ABLIM2: variants seen among roughly 807,000 people sequenced by gnomAD.
ABLIM2 encodes the protein actin-binding LIM protein 2.
In ABLIM2, 53 loss-of-function variants were observed where a neutral mutation model predicts 97.7. That is an observed-to-expected ratio of 0.54 (90% CI 0.44 to 0.68). ABLIM2 has a LOEUF of 0.68. Among genes scored for constraint, ABLIM2 ranks in the 30% least tolerant of loss-of-function variants. ABLIM2 has a pLI of 0.00. For missense variants in ABLIM2, 835 were observed against 867.2 expected (o/e 0.96, Z 0.47); for synonymous variants, 361 against 345.8 (o/e 1.04, Z -0.49).
chr4:8,045,094 C>A, intron 9 of ABLIM2, 70 bp downstream of exon 9: 3 of 1,426,456 alleles, frequency 2.1e-6, no homozygotes, highest in Admixed American at 1.7e-5. Flanking sequence ...GTGGGCTTAG[C>A]CACGGCCACC....
intron 8 of ABLIM2, among the ~76,000 whole-genome samples, chr4:8,052,511 T>C (rs1796665148): frequency 6.6e-6 from 1 of 152,220 alleles, no homozygotes. Flanking sequence ...TTTCATCGCG[T>C]GACTCTTCTG....
intron 20 of ABLIM2, among the ~76,000 whole-genome samples, chr4:7,975,681 A>G (rs1159042292): frequency 1.3e-5 from 2 of 152,198 alleles, no homozygotes; most frequent in African/African-American, 2.4e-5. Flanking sequence ...ATTTTTTAAC[A>G]TATATAGCTA....
rs550531703 is a variant in ABLIM2 at position 8,106,020 on chromosome 4, T to C, written c.154+474A>G. ...TATTTACATTATTGGTTTATAGTCA[T>C]AGAGAAATTGAAGTGATTTTAGTCT... On this transcript the variant is annotated intron_variant, in intron 2 of 20. Transcript: ENST00000447017. Among the ~76,000 whole-genome samples the C allele has an allele frequency of 3.3e-5, 5 of 152,312 alleles. No homozygotes were observed. In the South Asian group the frequency reaches 8.3e-4, roughly 25 times the overall value.
chr4:8,036,518 C>T (rs898459356), intron 9 of ABLIM2, among the ~76,000 whole-genome samples: 1 of 152,146 alleles, frequency 6.6e-6, no homozygotes, highest in African/African-American at 2.4e-5. Flanking sequence ...GGTCACAGCG[C>T]TTTGGGCAGA....
At chr4:8,078,184 C>T (rs924490401) in intron 5 of ABLIM2, among the ~76,000 whole-genome samples, 1 of 152,192 alleles carries the variant, frequency 6.6e-6, no homozygotes, top group African/African-American at 2.4e-5. Flanking sequence ...TAGGTTAGGA[C>T]AAGACTTTAC....
At chr4:8,018,595 A>G (rs530364625) in intron 14 of ABLIM2, among the ~76,000 whole-genome samples, 1 of 152,280 alleles carries the variant, frequency 6.6e-6, no homozygotes, top group East Asian at 1.9e-4. Context: ...AAAGTACAGG[A>G]CCTATTGCCA....
intron 17 of ABLIM2, among the ~76,000 whole-genome samples, chr4:7,989,027 AT>A (rs1746576153): frequency 7.2e-6 from 1 of 139,464 alleles, no homozygotes; most frequent in Admixed American, 7.2e-5. Context: ...GTACTATTTA[AT>A]TTTTCTGTGT....
intron 1 of ABLIM2, among the ~76,000 whole-genome samples, chr4:8,145,845 A>G (rs1032295727): frequency 4.6e-5 from 7 of 151,832 alleles, no homozygotes; most frequent in Non-Finnish European, 7.4e-5. Context: ...CTCAACAGTG[A>G]AAGTCCACCT....
chr4:7,969,929 A>G (rs1484339465), intron 20 of ABLIM2, among the ~76,000 whole-genome samples: 1 of 152,186 alleles, frequency 6.6e-6, no homozygotes, highest in Non-Finnish European at 1.5e-5. Flanking sequence ...GCCAGTCCAC[A>G]GAAACTTAGA....
At chr4:7,977,988 T>C (rs986936147) in intron 20 of ABLIM2, among the ~76,000 whole-genome samples, 2 of 152,084 alleles carry the variant, frequency 1.3e-5, no homozygotes, top group African/African-American at 4.8e-5. Flanking sequence ...CAGAAGCATA[T>C]CTCCCACTGA....
chr4:8,153,296 T>A (rs2152960886), intron 1 of ABLIM2, among the ~76,000 whole-genome samples: 1 of 152,270 alleles, frequency 6.6e-6, no homozygotes, highest in East Asian at 1.9e-4. Flanking sequence ...CAAGAGTTCA[T>A]CAAACTCAAG....
In ABLIM2 at chr4:8,130,132, C is replaced by T. The variant is rs1849155712; in HGVS notation, c.11-23495G>A. Among the ~76,000 whole-genome samples the T allele has an allele frequency of 6.6e-6, 1 of 152,206 alleles. No homozygotes were observed. The highest frequency in any genetic ancestry group is 1.5e-5 in the Non-Finnish European group (1 of 68,028). On this transcript the variant is annotated intron_variant, in intron 1 of 20. Transcript: ENST00000447017. This position sits in a 1 kb window ranked among gnomAD's most constrained non-coding sequence, Gnocchi z 4.2. ...ATTCAAAGGCAGCCCCCAAGAAAGG[C>T]CCTGGTGGTCTCAGCCTGGAAGGGG...
rs752791661 is a variant in ABLIM2 at position 8,088,271 on chromosome 4, G to T, written c.352C>A (p.Pro118Thr). Residue 118 changes from proline (P) to threonine (T), a missense_variant, in exon 4 of 21, where the codon CCC (proline) becomes ACC (threonine). Transcript: ENST00000447017. Reference protein sequence around the residue: ...VCAVCRLPFPPGDRVTFNGKE... With the variant: ...VCAVCRLPFPTGDRVTFNGKE... Reference sequence around the variant, plus strand: ...CCGTTGAAGGTCACTCGGTCCCCGGGGGGGAAGGGCAGCCTGAAACAAGAG... The same window carrying T: ...CCGTTGAAGGTCACTCGGTCCCCGGTGGGGAAGGGCAGCCTGAAACAAGAG... The T allele has an allele frequency of 2.5e-6, 4 of 1,612,550 alleles. No homozygotes were observed. The highest frequency in any genetic ancestry group is 1.7e-5 in the Admixed American group (1 of 59,918).
intron 12 of ABLIM2, among the ~76,000 whole-genome samples, chr4:8,027,168 G>C (rs995865734): frequency 3.3e-5 from 5 of 152,202 alleles, no homozygotes; most frequent in Non-Finnish European, 7.3e-5. Flanking sequence ...CTCTATGAAT[G>C]TGGGGGATGC....
chr4:8,054,781 G>C lies in ABLIM2; in HGVS notation c.764-535C>G, dbSNP rs1289858404. 6.6e-6 allele frequency among the ~76,000 whole-genome samples: 1 copy of C among 152,110 alleles called. No individual in the cohort carries two copies. Among genetic ancestry groups the C allele is most frequent in the Non-Finnish European group, 1.5e-5 (1 of 68,022 alleles). ...AGAACCTCAGCTGGGAAGTGGGCCT[G>C]CTCCTTAGGGTATGGGGTGAAGAAC... On this transcript the variant is annotated intron_variant, in intron 7 of 20. Transcript: ENST00000447017. The surrounding 1 kb of genome is among the most constrained non-coding windows in gnomAD (Gnocchi z 4.9).
chr4:8,056,037 T>C, intron 7 of ABLIM2, among the ~76,000 whole-genome samples: 1 of 139,544 alleles, frequency 7.2e-6, no homozygotes, highest in Non-Finnish European at 1.5e-5. Context: ...CGCTTGAACT[T>C]GGGAGGCAGA....
intron 4 of ABLIM2, among the ~76,000 whole-genome samples, chr4:8,084,905 C>T (rs760043133): frequency 1.5e-4 from 23 of 152,228 alleles, no homozygotes; most frequent in Non-Finnish European, 2.8e-4. Context: ...TGGTTCGGCA[C>T]GGCGCTCGCA....
chr4:8,074,089 CAAAAAAAAAAAAAA>C (rs869080154), intron 6 of ABLIM2, among the ~76,000 whole-genome samples: 4 of 45,694 alleles, frequency 8.8e-5, no homozygotes, highest in Non-Finnish European at 1.5e-4. Context: ...CTCTGTCTCA[CAAAAAAAAAAAAAA>C]AAAAAAAAAA....
At chr4:8,145,773 C>T (rs1384265726) in intron 1 of ABLIM2, among the ~76,000 whole-genome samples, 1 of 151,736 alleles carries the variant, frequency 6.6e-6, no homozygotes, top group African/African-American at 2.4e-5. Context: ...CACACACACA[C>T]ACACACACAC....
Sources: gnomAD v4.1 joint callset for allele counts (sites outside exome capture counted in the v4.1 genomes callset) on GRCh38, gnomAD v4.1.1 for gene constraint, Gnocchi (gnomAD v3.1) non-coding constraint, MANE v1.5 for transcripts, NCBI Gene and HGNC (gene_info 2026-07-23, HGNC 2026-07-21) for gene names.